Variants in ACOT7 observed in about 807,000 individuals in gnomAD.
ACOT7 encodes cytosolic acyl coenzyme A thioester hydrolase.
A neutral mutation model predicts 40.2 loss-of-function variants in ACOT7; 12 were observed. The observed-to-expected ratio is 0.30, with a 90% CI of 0.19 to 0.48. The LOEUF is 0.48. Among genes scored for constraint, ACOT7 ranks in the 20% least tolerant of loss-of-function variants. The pLI, the probability that ACOT7 is intolerant of heterozygous loss-of-function variation, is 0.99. For synonymous variants in ACOT7, 228 were observed against 219.5 expected, an observed-to-expected ratio of 1.04 and a Z score of -0.34; for missense variants, 395 against 530.8, an observed-to-expected ratio of 0.74 and a Z score of 2.51.
At chr1:6,283,850 C>G (rs1291795873) in intron 7 of ACOT7, among the ~76,000 whole-genome samples, 1 of 152,228 alleles carries the variant, frequency 6.6e-6, no homozygotes. Context: ...GGAAACCTAA[C>G]TGGATATAGT....
chr1:6,352,053 C>T lies in ACOT7; in HGVS notation c.144-2187G>A, dbSNP rs1270899840. On this transcript the variant is annotated intron_variant, in intron 1 of 8. Transcript: ENST00000361521. The surrounding 1 kb of genome is among the most constrained non-coding windows in gnomAD (Gnocchi z 4.5). ...TACCACGGGCCTGGCCGCCTTTCTTCGGCACCTTGGGTCCTGCACCAAGGA... is the reference window on the plus strand; with the variant it reads ...TACCACGGGCCTGGCCGCCTTTCTTTGGCACCTTGGGTCCTGCACCAAGGA... 2.0e-5 allele frequency among the ~76,000 whole-genome samples: 3 copies of T among 152,286 alleles called. No homozygotes were observed. The highest frequency in any genetic ancestry group is 4.8e-5 in the African/African-American group (2 of 41,560).
At position 6,264,503 on chromosome 1, in the gene ACOT7, ATT is replaced by A; in HGVS notation, c.*92_*93del. The A allele has an allele frequency of 8.4e-7, 1 of 1,185,242 alleles. No homozygotes were observed. Among genetic ancestry groups the A allele is most frequent in the Non-Finnish European group, 1.2e-6 (1 of 844,282 alleles). 73.4% of individuals were successfully genotyped at this position (1,185,242 alleles called of 1,614,324 possible). A position where few individuals can be genotyped will look rare whatever the true frequency, so the allele number is the denominator to read the frequency against. ...CAGACAACACCAGCTCTCAATGTGA[ATT>A]GGGTTTTTGGCCAAGGGGGGAACTT... On this transcript the variant is annotated 3_prime_UTR_variant, in exon 9 of 9. Coordinates refer to ENST00000361521, the MANE Select transcript of ACOT7 (RefSeq NM_007274.4).
rs540608782 is a variant in ACOT7 at position 6,326,155 on chromosome 1, G to A, written c.625+1144C>T. Among the ~76,000 whole-genome samples, 4 of 152,318 alleles carry A rather than the reference G, an allele frequency of 2.6e-5. No individual in the cohort carries two copies. The South Asian group carries it at 6.2e-4, about 24-fold the overall frequency. Reference sequence around the variant, plus strand: ...GAATGTGCCACGAGCCCAGGCCATCGCAGGGAGGCAGAGAAGCACACAGTG... The same window carrying A: ...GAATGTGCCACGAGCCCAGGCCATCACAGGGAGGCAGAGAAGCACACAGTG... On this transcript the variant is annotated intron_variant, in intron 5 of 8. Transcript: ENST00000361521.
chr1:6,271,878 C>T (rs548376797), intron 8 of ACOT7, among the ~76,000 whole-genome samples: 2 of 152,394 alleles, frequency 1.3e-5, no homozygotes, highest in South Asian at 4.1e-4. Context: ...AGGCTGCTGG[C>T]GGAGGCAGGG....
intron 1 of ACOT7, among the ~76,000 whole-genome samples, chr1:6,371,521 C>T (rs1457474882): frequency 1.3e-5 from 2 of 152,012 alleles, no homozygotes; most frequent in Non-Finnish European, 2.9e-5. Flanking sequence ...TGCCACCACA[C>T]TCAGCTAATT....
intron 1 of ACOT7, among the ~76,000 whole-genome samples, chr1:6,386,198 C>T (rs865979553): frequency 1.3e-5 from 2 of 152,204 alleles, no homozygotes; most frequent in Non-Finnish European, 2.9e-5. Context: ...GGTGCCTGGC[C>T]CTCCTCTGAC....
chr1:6,277,796 C>A (rs1188704305), intron 8 of ACOT7, among the ~76,000 whole-genome samples: 1 of 152,220 alleles, frequency 6.6e-6, no homozygotes, highest in African/African-American at 2.4e-5. Context: ...GGACACCATT[C>A]AACTTCCTCT....
intron 1 of ACOT7, among the ~76,000 whole-genome samples, chr1:6,388,882 C>CA (rs1389316982): frequency 1.4e-5 from 2 of 146,192 alleles, no homozygotes; most frequent in South Asian, 4.4e-4. Context: ...AATAAAAATA[C>CA]AAAAAAAAAT....
chr1:6,284,762 C>T (rs1010751500), intron 7 of ACOT7, among the ~76,000 whole-genome samples: 1 of 151,984 alleles, frequency 6.6e-6, no homozygotes, highest in African/African-American at 2.4e-5. Flanking sequence ...GGGTGATGAG[C>T]GACTGGCCTC....
At position 6,344,786 on chromosome 1, in the gene ACOT7, A is replaced by C. The variant is rs1049126484; in HGVS notation, c.261+4963T>G. ...CTCAAAAAAAAAAAAAAAAAAAAAA[A>C]AAAAGAAAAGAAGAAGAAAAGTAAT... On this transcript the variant is annotated intron_variant, in intron 2 of 8. Coordinates refer to ENST00000361521, the MANE Select transcript of ACOT7 (RefSeq NM_007274.4). Among the ~76,000 whole-genome samples, 868 of 150,788 alleles carry C rather than the reference A, an allele frequency of 5.8e-3. 14 individuals carry two copies. Among genetic ancestry groups the C allele is most frequent in the African/African-American group, 0.019 (778 of 40,836 alleles).
intron 6 of ACOT7, among the ~76,000 whole-genome samples, chr1:6,305,208 C>G (rs1482484626): frequency 6.7e-6 from 1 of 149,410 alleles, no homozygotes; most frequent in Non-Finnish European, 1.5e-5. Flanking sequence ...GGCTGTCCCC[C>G]CCACATCCTT....
chr1:6,309,014 C>T (rs183803928), intron 6 of ACOT7, among the ~76,000 whole-genome samples: 1 of 152,196 alleles, frequency 6.6e-6, no homozygotes, highest in South Asian at 2.1e-4. Flanking sequence ...CAGCACTCAC[C>T]GCCAAGGCCG....
chr1:6,292,701 C>T (rs1241742342), intron 7 of ACOT7, among the ~76,000 whole-genome samples: 4 of 130,616 alleles, frequency 3.1e-5, no homozygotes, highest in Non-Finnish European at 6.4e-5. Flanking sequence ...TTTTTTTTTG[C>T]GACAGATTCT....
At chr1:6,354,294 A>T (rs1157485559) in intron 1 of ACOT7, among the ~76,000 whole-genome samples, 1 of 152,106 alleles carries the variant, frequency 6.6e-6, no homozygotes, top group Non-Finnish European at 1.5e-5. Context: ...TCCCAGAGGA[A>T]GTGACACCTT....
chr1:6,340,004 C>T (rs1340474791), intron 2 of ACOT7, among the ~76,000 whole-genome samples: 1 of 150,594 alleles, frequency 6.6e-6, no homozygotes, highest in Non-Finnish European at 1.5e-5. Context: ...CTCGCTCTGT[C>T]ACCCAGGCTG....
chr1:6,292,894 T>C (rs1237129501), intron 7 of ACOT7, among the ~76,000 whole-genome samples: 6 of 147,612 alleles, frequency 4.1e-5, no homozygotes, highest in East Asian at 1.9e-4. Flanking sequence ...TTTTTCTTTT[T>C]TTTTTTTTTT....
chr1:6,392,200 T>C (rs1012734577), intron 1 of ACOT7, among the ~76,000 whole-genome samples: 1 of 152,182 alleles, frequency 6.6e-6, no homozygotes, highest in Non-Finnish European at 1.5e-5. Context: ...CTTGCTTCTA[T>C]TGGACTTGGC....
At chr1:6,360,238 G>C (rs1020490394) in intron 1 of ACOT7, among the ~76,000 whole-genome samples, 8 of 152,242 alleles carry the variant, frequency 5.3e-5, no homozygotes, top group Non-Finnish European at 1.2e-4. Context: ...GCAGAGGAGA[G>C]GATTCTAAAG....
At chr1:6,276,997 C>T (rs144604168) in intron 8 of ACOT7, among the ~76,000 whole-genome samples, 3 of 152,122 alleles carry the variant, frequency 2.0e-5, no homozygotes, top group East Asian at 3.9e-4. Flanking sequence ...ACCACCCCCC[C>T]CCAGGGTATG....
Sources: gnomAD v4.1 joint callset for allele counts (sites outside exome capture counted in the v4.1 genomes callset) on GRCh38, gnomAD v4.1.1 for gene constraint, Gnocchi (gnomAD v3.1) non-coding constraint, MANE v1.5 for transcripts, NCBI Gene and HGNC (gene_info 2026-07-23, HGNC 2026-07-21) for gene names.